The following TTC33 variants were observed in gnomAD, a reference collection of about 807,000 sequenced individuals.
The protein encoded by TTC33 is tetratricopeptide repeat domain 33, also known as tetratricopeptide repeat protein 33.
A neutral mutation model predicts 29.4 loss-of-function variants in TTC33; 24 were observed. The ratio of observed to expected loss-of-function variants is 0.82; its 90% confidence interval spans 0.59 to 1.15. The LOEUF (loss-of-function observed/expected upper bound fraction) is 1.15, where lower values mean the gene tolerates loss of function less well. Ranked by LOEUF, TTC33 falls within the 50% of genes most tolerant of loss-of-function variation. TTC33 has a pLI of 0.00. For missense variants in TTC33, 286 were observed against 310.4 expected (o/e 0.92, Z 0.59); for synonymous variants, 107 against 100.3 (o/e 1.07, Z -0.40).
chr5:40,741,658 G>A (rs1202455585), intron 2 of TTC33, among the ~76,000 whole-genome samples: 2 of 152,094 alleles, frequency 1.3e-5, no homozygotes, highest in Admixed American at 1.3e-4. Flanking sequence ...TTCCTCTTCT[G>A]TGTGCCCATT....
At chr5:40,729,002 G>A (rs1297306523) in intron 3 of TTC33, among the ~76,000 whole-genome samples, 2 of 152,146 alleles carry the variant, frequency 1.3e-5, no homozygotes, top group Non-Finnish European at 2.9e-5. Flanking sequence ...GAGAGTTAGG[G>A]TTACCAGAGA....
At position 40,712,426 on chromosome 5, in the gene TTC33, GACAC is replaced by G. The variant is rs1561139764; in HGVS notation, c.*3715_*3718del. On this transcript the variant is annotated 3_prime_UTR_variant, in exon 5 of 5. Coordinates refer to ENST00000337702, the MANE Select transcript of TTC33 (RefSeq NM_012382.3). The stretch of plus-strand genomic sequence containing the variant: ...CTCTCCTGACCTCTGAACCACTTGA[GACAC>G]AGACAGATGGAGATTCAATATTTTA... 6.6e-6 allele frequency among the ~76,000 whole-genome samples: 1 copy of G among 152,134 alleles called. No homozygotes were observed.
intron 2 of TTC33, among the ~76,000 whole-genome samples, chr5:40,742,376 A>G (rs1228084411): frequency 1.2e-4 from 18 of 152,210 alleles, no homozygotes. Context: ...GACAGGCAAT[A>G]TATTAAGTAC....
At chr5:40,733,811 G>A (rs781685238) in intron 2 of TTC33, among the ~76,000 whole-genome samples, 10 of 152,148 alleles carry the variant, frequency 6.6e-5, no homozygotes, top group Non-Finnish European at 1.3e-4. Flanking sequence ...TCCCAAGTAC[G>A]AAATAAACTA....
chr5:40,738,444 A>AATACAATAC (rs1561151050), intron 2 of TTC33, among the ~76,000 whole-genome samples: 54 of 83,646 alleles, frequency 6.5e-4, no homozygotes, highest in Non-Finnish European at 8.8e-4. Flanking sequence ...ATATAAAATA[A>AATACAATAC]AATACAATAC....
At chr5:40,728,517 C>A in intron 3 of TTC33, 41 bp from the exon 4 acceptor site, 1 of 1,534,050 alleles carries the variant, frequency 6.5e-7, no homozygotes, top group South Asian at 1.2e-5. Flanking sequence ...CAGTAATATT[C>A]ATAAACTAGC....
At chr5:40,753,619 T>C (rs1003157204) in intron 1 of TTC33, among the ~76,000 whole-genome samples, 1 of 152,092 alleles carries the variant, frequency 6.6e-6, no homozygotes, top group Non-Finnish European at 1.5e-5. Context: ...GTGTGGATAC[T>C]ATGGAACAGA....
In TTC33 at chr5:40,731,821, G is replaced by T. The variant is rs190609664; in HGVS notation, c.222-1478C>A. ...CTCTAAGACCAAGTTAAAATGCTCC[G>T]TTCTTCATGAAGACCTCCTCCAGTG... On this transcript the variant is annotated intron_variant, in intron 2 of 4. Transcript: ENST00000337702. Among the ~76,000 whole-genome samples the T allele has an allele frequency of 1.7e-3, 255 of 152,236 alleles. 1 individual carries two copies. Among genetic ancestry groups the T allele is most frequent in the Non-Finnish European group, 3.1e-3 (213 of 68,010 alleles).
intron 2 of TTC33, among the ~76,000 whole-genome samples, chr5:40,738,564 AAATAT>A (rs1742620007): frequency 9.1e-6 from 1 of 109,534 alleles, no homozygotes; most frequent in African/African-American, 3.0e-5. Context: ...AAATAAAATA[AAATAT>A]AAAATAAAAT....
intron 1 of TTC33, among the ~76,000 whole-genome samples, chr5:40,755,288 A>ACAG (rs1742964243): frequency 6.6e-6 from 1 of 152,236 alleles, no homozygotes. Flanking sequence ...GGAAATCACA[A>ACAG]CAGCATCCTT....
At chr5:40,737,846 T>C (rs1215875503) in intron 2 of TTC33, among the ~76,000 whole-genome samples, 2 of 152,222 alleles carry the variant, frequency 1.3e-5, no homozygotes, top group Non-Finnish European at 2.9e-5. Context: ...CGGTATGTAC[T>C]CTTCCTGACT....
chr5:40,735,189 G>A (rs746030132), intron 2 of TTC33, among the ~76,000 whole-genome samples: 1 of 152,218 alleles, frequency 6.6e-6, no homozygotes, highest in Non-Finnish European at 1.5e-5. Flanking sequence ...TTAATTGTAT[G>A]TGTGATGAAG....
intron 1 of TTC33, among the ~76,000 whole-genome samples, chr5:40,748,462 C>T (rs1742840523): frequency 6.6e-6 from 1 of 152,180 alleles, no homozygotes; most frequent in Non-Finnish European, 1.5e-5. Context: ...TCCCAAATTG[C>T]TGGGATTACA....
At chr5:40,754,019 A>T (rs1178996074) in intron 1 of TTC33, among the ~76,000 whole-genome samples, 8 of 152,314 alleles carry the variant, frequency 5.3e-5, no homozygotes, top group African/African-American at 1.9e-4. Context: ...CATCTTTTAA[A>T]ATTAATAGGT....
At chr5:40,747,542 GAAGT>G (rs1742819534) in intron 1 of TTC33, among the ~76,000 whole-genome samples, 1 of 152,188 alleles carries the variant, frequency 6.6e-6, no homozygotes, top group Admixed American at 6.5e-5. Context: ...TGTCACTCAT[GAAGT>G]AAGTACTCCT....
rs907754521 is a variant in TTC33 at position 40,712,144 on chromosome 5, T to C, written c.*4001A>G. Among the ~76,000 whole-genome samples the C allele has an allele frequency of 1.3e-5, 2 of 152,130 alleles. No homozygotes were observed. Among genetic ancestry groups the C allele is most frequent in the Non-Finnish European group, 2.9e-5 (2 of 68,018 alleles). On this transcript the variant is annotated 3_prime_UTR_variant, in exon 5 of 5. Coordinates refer to ENST00000337702, the MANE Select transcript of TTC33 (RefSeq NM_012382.3). Reference sequence around the variant, plus strand: ...TCATTTCACATTCTTCCCTTCCAATTCAATCTAGAGTCAACAATGTGGTCT... The same window carrying C: ...TCATTTCACATTCTTCCCTTCCAATCCAATCTAGAGTCAACAATGTGGTCT...
intron 3 of TTC33, among the ~76,000 whole-genome samples, chr5:40,729,586 T>A (rs1742375230): frequency 1.3e-5 from 2 of 152,222 alleles, no homozygotes; most frequent in South Asian, 4.1e-4. Context: ...ACCCAATCCA[T>A]CCTCATTTTT....
intron 2 of TTC33, among the ~76,000 whole-genome samples, 154 bp from the exon 3 acceptor site, chr5:40,730,497 T>C (rs1317802614): frequency 1.3e-5 from 2 of 152,180 alleles, no homozygotes; most frequent in East Asian, 3.8e-4. Context: ...GTACATATAG[T>C]TCATTCACCT....
intron 2 of TTC33, among the ~76,000 whole-genome samples, chr5:40,738,620 CCAGA>C (rs1385086047): frequency 7.3e-6 from 1 of 136,712 alleles, no homozygotes; most frequent in South Asian, 2.4e-4. Flanking sequence ...AGTGAAACAA[CCAGA>C]CAGTTTGCCA....
Sources: allele counts gnomAD v4.1 joint callset (sites outside exome capture counted in the v4.1 genomes callset), GRCh38; gene constraint gnomAD v4.1.1; transcripts MANE v1.5; gene names NCBI Gene and HGNC (gene_info 2026-07-23, HGNC 2026-07-21).